The following ASAP2 variants were observed in gnomAD, a reference collection of about 807,000 sequenced individuals.
ASAP2 encodes arf-GAP with SH3 domain, ANK repeat and PH domain-containing protein 2.
Under a neutral mutation model 131.4 loss-of-function variants are expected in ASAP2, and 45 were observed. That is an observed-to-expected ratio of 0.34 (90% CI 0.27 to 0.44). ASAP2 has a LOEUF of 0.44. Among genes scored for constraint, ASAP2 ranks in the 20% least tolerant of loss-of-function variants. The pLI, the probability that ASAP2 is intolerant of heterozygous loss-of-function variation, is 1.00. For missense variants in ASAP2, 1,011 were observed against 1,297.0 expected, an observed-to-expected ratio of 0.78 and a Z score of 3.39; for synonymous variants, 510 against 503.0, an observed-to-expected ratio of 1.01 and a Z score of -0.19.
At chr2:9,349,531 T>C (rs1474357503) in intron 11 of ASAP2, among the ~76,000 whole-genome samples, 1 of 152,226 alleles carries the variant, frequency 6.6e-6, no homozygotes, top group East Asian at 1.9e-4. Flanking sequence ...ATTTACAAGA[T>C]TAGGCAGAGC....
At chr2:9,294,797 G>A (rs1289832094) in intron 2 of ASAP2, among the ~76,000 whole-genome samples, 4 of 152,122 alleles carry the variant, frequency 2.6e-5, no homozygotes, top group African/African-American at 7.2e-5. Context: ...GCCCAGCACC[G>A]TGAAGGAGGA....
Position 9,403,482 on chromosome 2 carries a change from A to G in ASAP2, c.*155A>G, listed in dbSNP as rs930342564. 2.6e-5 allele frequency: 16 copies of G among 607,162 alleles called. No individual in the cohort carries two copies. Among genetic ancestry groups the G allele is most frequent in the Admixed American group, 2.4e-4 (7 of 29,712 alleles). 37.6% of individuals were successfully genotyped at this position (607,162 alleles called of 1,614,324 possible). ...TTAAAAACTCAGAGGCAATTTTTAC[A>G]TATCAGTAATTGTTTTTATAATTTG... On this transcript the variant is annotated 3_prime_UTR_variant, in exon 28 of 28. Coordinates refer to ENST00000281419, the MANE Select transcript of ASAP2 (RefSeq NM_003887.3).
At position 9,303,377 on chromosome 2, in the gene ASAP2, T is replaced by C. The variant is rs570443810; in HGVS notation, c.345+5932T>C. Among the ~76,000 whole-genome samples the C allele has an allele frequency of 3.3e-5, 5 of 152,342 alleles. No homozygotes were observed. The South Asian group carries it at 1.0e-3, about 32-fold the overall frequency. On this transcript the variant is annotated intron_variant, in intron 3 of 27. Coordinates refer to ENST00000281419, the MANE Select transcript of ASAP2 (RefSeq NM_003887.3). ...TGGTTGCCCTTTTTCCTGCTGTCAGTGCTTGGGTGCCTCTAAGGTCTCTGT... is the reference window on the plus strand; with the variant it reads ...TGGTTGCCCTTTTTCCTGCTGTCAGCGCTTGGGTGCCTCTAAGGTCTCTGT...
chr2:9,323,410 G>A (rs1670277577), intron 6 of ASAP2, among the ~76,000 whole-genome samples, 160 bp downstream of exon 6: 2 of 152,218 alleles, frequency 1.3e-5, no homozygotes, highest in East Asian at 3.8e-4. Context: ...CTAGGGAAGC[G>A]TTAGCCTCCT....
intron 27 of ASAP2, 68 bp downstream of exon 27, chr2:9,401,464 G>A (rs1315586144): frequency 2.5e-6 from 4 of 1,569,732 alleles, no homozygotes; most frequent in South Asian, 2.4e-5. Context: ...TGGCTGGAGA[G>A]ACGGGCTTGC....
rs1677089444 is a variant in ASAP2 at position 9,404,957 on chromosome 2, TCA to T, written c.*1631_*1632del. 1 of 152,616 alleles carries T rather than the reference TCA, an allele frequency of 6.6e-6. No individual in the cohort carries two copies. 9.5% of individuals were successfully genotyped at this position (152,616 alleles called of 1,614,324 possible). Reference sequence around the variant, plus strand: ...TGTTTGAACCCTTCATTTAATTTTCTCATAGATTTAAGTAAACAGATGTATTT... The same window carrying T: ...TGTTTGAACCCTTCATTTAATTTTCTTAGATTTAAGTAAACAGATGTATTT... On this transcript the variant is annotated 3_prime_UTR_variant, in exon 28 of 28. Coordinates refer to ENST00000281419, the MANE Select transcript of ASAP2 (RefSeq NM_003887.3).
In ASAP2 at chr2:9,207,595, AC is replaced by A. The variant is rs1661211165; in HGVS notation, c.126+367del. Among the ~76,000 whole-genome samples, 1 of 151,928 alleles carries A rather than the reference AC, an allele frequency of 6.6e-6. No individual in the cohort carries two copies. Among genetic ancestry groups the A allele is most frequent in the Non-Finnish European group, 1.5e-5 (1 of 67,938 alleles). ...CCGGGGTCTTTGGTACCCGGTGCGG[AC>A]CTTATCAACTTGTTCTTGAAGTGGA... is the stretch of plus-strand genomic sequence containing the variant. On this transcript the variant is annotated intron_variant, in intron 1 of 27. Transcript: ENST00000281419. This position sits in a 1 kb window ranked among gnomAD's most constrained non-coding sequence, Gnocchi z 4.1.
At position 9,387,079 on chromosome 2, in the gene ASAP2, G is replaced by GC. The variant is rs1014289896; in HGVS notation, c.2131-1215_2131-1214insC. ...AAATTAGCCGGGCTTGGTGGTGGGT[G>GC]GGGGGGCGCCTGTAGTCCCAGCTAC... On this transcript the variant is annotated intron_variant, in intron 21 of 27. Transcript: ENST00000281419. Among the ~76,000 whole-genome samples, 35 of 145,404 alleles carry GC rather than the reference G, an allele frequency of 2.4e-4. 1 individual carries two copies. Among genetic ancestry groups the GC allele is most frequent in the African/African-American group, 8.4e-4 (33 of 39,188 alleles).
chr2:9,225,482 C>T (rs1662694553), intron 1 of ASAP2, among the ~76,000 whole-genome samples: 1 of 152,182 alleles, frequency 6.6e-6, no homozygotes, highest in Admixed American at 6.5e-5. Flanking sequence ...AGTACTTTCA[C>T]CTTTTCCTCT....
intron 1 of ASAP2, among the ~76,000 whole-genome samples, chr2:9,209,477 CAT>C (rs1661376998): frequency 6.6e-6 from 1 of 152,214 alleles, no homozygotes; most frequent in Non-Finnish European, 1.5e-5. Context: ...GGTATCATGA[CAT>C]AAAGTTACTC....
At chr2:9,359,642 A>C (rs976799794) in intron 15 of ASAP2, among the ~76,000 whole-genome samples, 1 of 152,244 alleles carries the variant, frequency 6.6e-6, no homozygotes, top group African/African-American at 2.4e-5. Context: ...TGTTGAATTT[A>C]AAAGTTTACA....
chr2:9,255,872 G>T (rs1665118633), intron 1 of ASAP2, among the ~76,000 whole-genome samples: 1 of 152,166 alleles, frequency 6.6e-6, no homozygotes, highest in Admixed American at 6.5e-5. Context: ...ACATTGGGCT[G>T]GGGGGCACAA....
intron 15 of ASAP2, among the ~76,000 whole-genome samples, chr2:9,364,404 G>A (rs1673301503): frequency 6.6e-6 from 1 of 152,094 alleles, no homozygotes; most frequent in Non-Finnish European, 1.5e-5. Flanking sequence ...CTATCAGGGA[G>A]GCTGAGGTGG....
At chr2:9,367,318 C>T (rs1366004207) in intron 15 of ASAP2, among the ~76,000 whole-genome samples, 2 of 152,010 alleles carry the variant, frequency 1.3e-5, no homozygotes. Flanking sequence ...CAGGTGTGAG[C>T]CACCATGCCT....
intron 21 of ASAP2, among the ~76,000 whole-genome samples, chr2:9,386,361 G>C (rs1199825753): frequency 6.6e-6 from 1 of 151,686 alleles, no homozygotes; most frequent in Non-Finnish European, 1.5e-5. Context: ...GAGAAGAGTT[G>C]ACTGATTTCA....
chr2:9,270,257 G>A (rs928189655), intron 1 of ASAP2, among the ~76,000 whole-genome samples: 6 of 152,104 alleles, frequency 3.9e-5, no homozygotes, highest in African/African-American at 7.2e-5. Context: ...ATAAGTTCCC[G>A]TGAAAGTTGC....
At chr2:9,314,088 A>T (rs1231701621) in intron 3 of ASAP2, among the ~76,000 whole-genome samples, 1 of 152,122 alleles carries the variant, frequency 6.6e-6, no homozygotes, top group Non-Finnish European at 1.5e-5. Context: ...GATTCAAGTG[A>T]TTCTCCTGCC....
intron 19 of ASAP2, 92 bp downstream of exon 19, chr2:9,379,151 C>A: frequency 5.9e-6 from 5 of 843,688 alleles, no homozygotes; most frequent in East Asian, 3.3e-5. Context: ...GAAACAGGGC[C>A]AACCCTGTGG....
chr2:9,295,663 T>C (rs1668107526), intron 2 of ASAP2, among the ~76,000 whole-genome samples: 2 of 152,218 alleles, frequency 1.3e-5, no homozygotes, highest in African/African-American at 2.4e-5. Context: ...TGTGTGTGTG[T>C]GCACATGTAT....
Sources: gnomAD v4.1 joint callset for allele counts (sites outside exome capture counted in the v4.1 genomes callset) on GRCh38, gnomAD v4.1.1 for gene constraint, Gnocchi (gnomAD v3.1) non-coding constraint, MANE v1.5 for transcripts, NCBI Gene and HGNC (gene_info 2026-07-23, HGNC 2026-07-21) for gene names.